The following KCNC2 variants were observed in gnomAD, a reference collection of about 807,000 sequenced individuals.
KCNC2 encodes the protein potassium voltage-gated channel subfamily C member 2.
A neutral mutation model predicts 44.5 loss-of-function variants in KCNC2; 21 were observed. That is an observed-to-expected ratio of 0.47 (90% confidence interval 0.33 to 0.68). KCNC2 has a LOEUF of 0.68. Among genes scored for constraint, KCNC2 ranks in the 30% least tolerant of loss-of-function variants. KCNC2 has a pLI of 0.01. For synonymous variants in KCNC2, 391 were observed against 339.1 expected (o/e 1.15, Z -1.68); for missense variants, 589 against 826.2 (o/e 0.71, Z 3.52).
chr12:75,170,355 C>T (rs1055930837), intron 2 of KCNC2, among the ~76,000 whole-genome samples: 1 of 151,560 alleles, frequency 6.6e-6, no homozygotes, highest in African/African-American at 2.4e-5. Flanking sequence ...TCAAATGTAC[C>T]AAGAGGAAGA....
At chr12:75,103,629 T>A (rs1886547367) in intron 2 of KCNC2, among the ~76,000 whole-genome samples, 1 of 152,150 alleles carries the variant, frequency 6.6e-6, no homozygotes, top group South Asian at 2.1e-4. Flanking sequence ...CAAAAACCCA[T>A]GCTCATTATA....
intron 2 of KCNC2, among the ~76,000 whole-genome samples, chr12:75,179,746 TATATCTTTTATAAAAAC>T (rs2137635131): frequency 6.6e-6 from 1 of 151,436 alleles, no homozygotes; most frequent in Non-Finnish European, 1.5e-5. Context: ...AAACTAGTTT[TATATCTTTTATAAAAAC>T]TATAAAAGAT....
chr12:75,053,041 AC>A (rs199544267), intron 2 of KCNC2, among the ~76,000 whole-genome samples: 4,132 of 152,232 alleles, frequency 0.027, 167 homozygotes, highest in African/African-American at 0.089. Context: ...AAGTAAATGT[AC>A]TACTATTTTT....
intron 2 of KCNC2, among the ~76,000 whole-genome samples, chr12:75,092,954 G>A (rs1316754726): frequency 6.6e-6 from 1 of 150,426 alleles, no homozygotes; most frequent in East Asian, 1.9e-4. Flanking sequence ...CTTTATCACA[G>A]GGATGACTAT....
chr12:75,185,671 A>T (rs1892891071), intron 2 of KCNC2, among the ~76,000 whole-genome samples: 1 of 152,172 alleles, frequency 6.6e-6, no homozygotes, highest in African/African-American at 2.4e-5. Flanking sequence ...CTATAGCAAC[A>T]CAAAACTAAG....
chr12:75,069,127 A>ATTTTTTTTTTTTT (rs1231157819), intron 2 of KCNC2, among the ~76,000 whole-genome samples: 10 of 33,886 alleles, frequency 3.0e-4, no homozygotes, highest in Admixed American at 1.1e-3. Flanking sequence ...ATTTTATATA[A>ATTTTTTTTTTTTT]TCTTTTTTTT....
intron 1 of KCNC2, 129 bp from the exon 2 acceptor site, chr12:75,208,131 C>T (rs2031862614): frequency 2.9e-6 from 3 of 1,027,818 alleles, no homozygotes; most frequent in African/African-American, 1.7e-5. Context: ...CAAAGACCCT[C>T]CCCGGGAGGG....
chr12:75,207,567 G>A lies in KCNC2; in HGVS notation c.417C>T (p.Ala139=). ...VCGPLFEEEL[A]FWGIDETDVE... The stretch of plus-strand genomic sequence containing the variant: ...CGTCGGTCTCGTCGATGCCCCAGAA[G>A]GCCAGCTCCTCCTCGAAGAGCGGCC... The change falls in exon 2 of 5, where the codon GCC becomes GCT. Residue 139 remains alanine (A), a synonymous_variant. Coordinates refer to ENST00000549446, the MANE Select transcript of KCNC2 (RefSeq NM_139137.4). The surrounding 1 kb of genome is among the most constrained non-coding windows in gnomAD (Gnocchi z 4.1). 2 of 1,612,186 alleles carry A rather than the reference G, an allele frequency of 1.2e-6. No individual in the cohort carries two copies. The highest frequency in any genetic ancestry group is 1.7e-6 in the Non-Finnish European group (2 of 1,179,876).
intron 2 of KCNC2, among the ~76,000 whole-genome samples, chr12:75,176,340 T>G (rs1892180999): frequency 6.6e-6 from 1 of 152,028 alleles, no homozygotes; most frequent in Non-Finnish European, 1.5e-5. Context: ...TCCTCCCTGG[T>G]GTGGGCTACT....
rs1276520240 is a variant in KCNC2 at position 75,201,276 on chromosome 12, AAAAAAAAAAAAAAAAAAAAAAAC to A, written c.687+5998_687+6020del. On this transcript the variant is annotated intron_variant, in intron 2 of 4. Transcript: ENST00000549446. ...AAACGAAATTGGAAAAAAAAAAAAA[AAAAAAAAAAAAAAAAAAAAAAAC>A]CAGATTCTGGTTTACTTTATTAGTG... 3.5e-4 allele frequency among the ~76,000 whole-genome samples: 39 copies of A among 110,430 alleles called. 3 individuals are homozygous for A. The highest frequency in any genetic ancestry group is 9.4e-4 in the African/African-American group (26 of 27,642). 72.4% of individuals were successfully genotyped at this position (110,430 alleles called of 152,430 possible).
intron 2 of KCNC2, among the ~76,000 whole-genome samples, chr12:75,185,742 T>C (rs1892895782): frequency 6.6e-6 from 1 of 152,116 alleles, no homozygotes; most frequent in South Asian, 2.1e-4. Context: ...TATGTGTTAA[T>C]TTAATTATAA....
chr12:75,114,253 G>A (rs143966737), intron 2 of KCNC2, among the ~76,000 whole-genome samples: 21 of 152,174 alleles, frequency 1.4e-4, no homozygotes, highest in African/African-American at 5.1e-4. Flanking sequence ...AAAAGCTATC[G>A]CTAAACAAAA....
chr12:75,086,672 AAAAAAAAAAATATAT>A (rs1464839705), intron 2 of KCNC2, among the ~76,000 whole-genome samples: 4,294 of 87,438 alleles, frequency 0.049, 249 homozygotes, highest in African/African-American at 0.21. Flanking sequence ...AAAAAAAAAA[AAAAAAAAAAATATAT>A]ATATATATAT....
intron 2 of KCNC2, among the ~76,000 whole-genome samples, chr12:75,078,963 A>G (rs1408300590): frequency 6.6e-6 from 1 of 152,180 alleles, no homozygotes; most frequent in Admixed American, 6.6e-5. Flanking sequence ...AGGTAAGGAC[A>G]GAGAGAATTA....
At chr12:75,084,577 G>A (rs537296805) in intron 2 of KCNC2, among the ~76,000 whole-genome samples, 1 of 151,984 alleles carries the variant, frequency 6.6e-6, no homozygotes, top group African/African-American at 2.4e-5. Flanking sequence ...TGTAAGAAGT[G>A]CCTTTCACCT....
chr12:75,201,285 A>C (rs1210494630), intron 2 of KCNC2, among the ~76,000 whole-genome samples: 2,048 of 110,398 alleles, frequency 0.019, 77 homozygotes, highest in Non-Finnish European at 0.03. Flanking sequence ...AAAAAAAAAA[A>C]AAAAAAAAAA....
intron 2 of KCNC2, 55 bp from the exon 3 acceptor site, chr12:75,051,372 T>C (rs2136946410): frequency 4.1e-6 from 4 of 982,986 alleles, no homozygotes; most frequent in Non-Finnish European, 5.9e-6. Context: ...GTAATATATG[T>C]TGATTCTAAT....
At chr12:75,083,642 A>T (rs559645486) in intron 2 of KCNC2, among the ~76,000 whole-genome samples, 1 of 152,070 alleles carries the variant, frequency 6.6e-6, no homozygotes, top group African/African-American at 2.4e-5. Flanking sequence ...AGAGAATCTG[A>T]TGATATCATA....
intron 2 of KCNC2, among the ~76,000 whole-genome samples, chr12:75,158,500 G>C (rs1287189168): frequency 3.3e-5 from 5 of 151,774 alleles, no homozygotes; most frequent in Non-Finnish European, 5.9e-5. Flanking sequence ...CCTTTACATT[G>C]GGTGTAATTT....
Sources: gnomAD v4.1 joint callset for allele counts (sites outside exome capture counted in the v4.1 genomes callset) on GRCh38, gnomAD v4.1.1 for gene constraint, Gnocchi (gnomAD v3.1) non-coding constraint, MANE v1.5 for transcripts, NCBI Gene and HGNC (gene_info 2026-07-23, HGNC 2026-07-21) for gene names.